IGBP1C: variants seen among roughly 807,000 people sequenced by gnomAD.
IGBP1C encodes immunoglobulin-binding protein 1 family member C.
At chr17:58,684,247 A>T in the IGBP1C span, among the ~76,000 whole-genome samples, 1 of 151,792 alleles carries the variant, frequency 6.6e-6, no homozygotes, top group African/African-American at 2.4e-5. Flanking sequence ...GGATCACCTG[A>T]GGTCAGGAGC....
the IGBP1C span, among the ~76,000 whole-genome samples, chr17:58,669,134 C>G: frequency 2.0e-5 from 3 of 151,992 alleles, no homozygotes; most frequent in Non-Finnish European, 1.5e-5. Context: ...GGCAGATCAC[C>G]TGAGGTCAGG....
the IGBP1C span, among the ~76,000 whole-genome samples, chr17:58,681,623 GT>G: frequency 6.6e-6 from 1 of 152,126 alleles, no homozygotes; most frequent in Non-Finnish European, 1.5e-5. Flanking sequence ...GCCGAGGCAG[GT>G]GGATCATTTG....
At chr17:58,681,130 G>A in the IGBP1C span, among the ~76,000 whole-genome samples, 1 of 151,922 alleles carries the variant, frequency 6.6e-6, no homozygotes, top group Non-Finnish European at 1.5e-5. Context: ...AAATAAATTA[G>A]CCGGGCATGC....
chr17:58,667,873 A>T, the IGBP1C span, among the ~76,000 whole-genome samples: 81 of 150,954 alleles, frequency 5.4e-4, 1 homozygote, highest in East Asian at 2.9e-3. Flanking sequence ...AGCCTGGGCG[A>T]CAGAGTGAGA....
chr17:58,668,707 C>T, the IGBP1C span, among the ~76,000 whole-genome samples: 2 of 152,110 alleles, frequency 1.3e-5, no homozygotes, highest in Non-Finnish European at 2.9e-5. Context: ...TATTTTTATG[C>T]ACACACAGAC....
the IGBP1C span, among the ~76,000 whole-genome samples, chr17:58,683,824 T>TG: frequency 6.6e-6 from 1 of 150,802 alleles, no homozygotes; most frequent in East Asian, 2.0e-4. Context: ...CCCAGCACTT[T>TG]GGGAGGCTGA....
the IGBP1C span, among the ~76,000 whole-genome samples, chr17:58,690,134 G>A: frequency 6.6e-6 from 1 of 151,134 alleles, no homozygotes; most frequent in Non-Finnish European, 1.5e-5. Context: ...GCTATAGATA[G>A]AGTTGAGTGG....
the IGBP1C span, chr17:58,660,598 G>A: frequency 1.3e-6 from 1 of 797,098 alleles, no homozygotes. Flanking sequence ...TCTGTCGGTT[G>A]CCGTAGCCCC....
chr17:58,673,473 A>C, the IGBP1C span, among the ~76,000 whole-genome samples: 1 of 140,064 alleles, frequency 7.1e-6, no homozygotes, highest in African/African-American at 2.7e-5. Flanking sequence ...ACAGAGTGAG[A>C]CTCCATCTCA....
At chr17:58,661,891 A>C in the IGBP1C span, 1 of 288,298 alleles carries the variant, frequency 3.5e-6, no homozygotes. Context: ...GTGAGGACTG[A>C]ATAAGAGAAT....
the IGBP1C span, among the ~76,000 whole-genome samples, chr17:58,678,696 G>T: frequency 1.3e-5 from 2 of 151,918 alleles, no homozygotes; most frequent in Non-Finnish European, 2.9e-5. Context: ...AACGGGGAGG[G>T]ATAGCATTAG....
At chr17:58,683,376 C>T in the IGBP1C span, among the ~76,000 whole-genome samples, 15 of 147,828 alleles carry the variant, frequency 1.0e-4, no homozygotes, top group Admixed American at 5.4e-4. Context: ...CCATCCCCCC[C>T]CCCAAAAAAA....
the IGBP1C span, among the ~76,000 whole-genome samples, chr17:58,678,706 G>T: frequency 6.6e-6 from 1 of 151,886 alleles, no homozygotes; most frequent in Non-Finnish European, 1.5e-5. Context: ...GATAGCATTA[G>T]GAGACATACC....
At chr17:58,667,577 C>G in the IGBP1C span, among the ~76,000 whole-genome samples, 1 of 152,130 alleles carries the variant, frequency 6.6e-6, no homozygotes, top group African/African-American at 2.4e-5. Context: ...GATAAAGAAC[C>G]TGAGGCATGA....
the IGBP1C span, among the ~76,000 whole-genome samples, chr17:58,676,257 T>A: frequency 1.3e-4 from 20 of 152,130 alleles, no homozygotes; most frequent in Non-Finnish European, 2.6e-4. Flanking sequence ...GTGCCTGTAA[T>A]CCCAGCTACT....
At chr17:58,692,045 T>G in the IGBP1C span, 1 of 145,452 alleles carries the variant, frequency 6.9e-6, no homozygotes, top group Non-Finnish European at 1.5e-5. Context: ...GTGCGGGGAA[T>G]GCGGACTGAT....
chr17:58,680,917 CTT>C, the IGBP1C span, among the ~76,000 whole-genome samples: 4 of 152,174 alleles, frequency 2.6e-5, no homozygotes, highest in Non-Finnish European at 1.5e-5. Context: ...GAGTTTATAA[CTT>C]TTTTTTCCTT....
the IGBP1C span, among the ~76,000 whole-genome samples, chr17:58,674,044 C>T: frequency 1.3e-5 from 2 of 152,036 alleles, no homozygotes; most frequent in Admixed American, 1.3e-4. Flanking sequence ...GAGGCCAAGG[C>T]GGGCAGATTG....
chr17:58,667,177 G>A, the IGBP1C span, among the ~76,000 whole-genome samples: 72 of 152,248 alleles, frequency 4.7e-4, no homozygotes, highest in Non-Finnish European at 7.8e-4. Context: ...AACCACCCCG[G>A]CATCATTTCC....
Sources: gnomAD v4.1 joint callset for allele counts (sites outside exome capture counted in the v4.1 genomes callset) on GRCh38, gnomAD v4.1.1 for gene constraint, MANE v1.5 for transcripts, NCBI Gene and HGNC (gene_info 2026-07-23, HGNC 2026-07-21) for gene names.